Variants in ELMO1 observed in about 807,000 individuals in gnomAD.
ELMO1 encodes the protein engulfment and cell motility 1, also known as engulfment and cell motility protein 1.
In ELMO1, 26 loss-of-function variants were observed where a neutral mutation model predicts 98.9. The ratio of observed to expected loss-of-function variants is 0.26; its 90% CI spans 0.19 to 0.36. ELMO1 has a LOEUF of 0.36. Among genes scored for constraint, ELMO1 ranks in the 10% least tolerant of loss-of-function variants. The pLI is 1.00. For missense variants in ELMO1, 627 were observed against 935.2 expected (o/e 0.67, Z 4.30); for synonymous variants, 346 against 346.0 (o/e 1.00, Z 0.00).
At chr7:37,149,603 G>T (rs960085042) in intron 13 of ELMO1, among the ~76,000 whole-genome samples, 14 of 152,154 alleles carry the variant, frequency 9.2e-5, no homozygotes, top group Admixed American at 3.3e-4. Flanking sequence ...ACTGTCTGTG[G>T]CTGCTTTCAC....
chr7:37,212,742 C>A (rs1793048872), intron 12 of ELMO1, among the ~76,000 whole-genome samples: 1 of 152,202 alleles, frequency 6.6e-6, no homozygotes, highest in African/African-American at 2.4e-5. Flanking sequence ...TGAAAATGTG[C>A]TACGGCAGGG....
At chr7:37,253,346 G>A (rs976615985) in intron 6 of ELMO1, among the ~76,000 whole-genome samples, 1 of 152,182 alleles carries the variant, frequency 6.6e-6, no homozygotes, top group Non-Finnish European at 1.5e-5. Context: ...ATCAATGATA[G>A]ACTGGATAAA....
At chr7:37,289,670 A>G (rs1797575007) in intron 4 of ELMO1, among the ~76,000 whole-genome samples, 1 of 152,230 alleles carries the variant, frequency 6.6e-6, no homozygotes, top group Admixed American at 6.5e-5. Flanking sequence ...TGGGATCTGG[A>G]CTGACAGCTG....
chr7:37,378,851 A>G (rs79758729), intron 1 of ELMO1, among the ~76,000 whole-genome samples: 12,030 of 152,018 alleles, frequency 0.079, 617 homozygotes, highest in Middle Eastern at 0.12. Context: ...TACTGCCACC[A>G]TCACTTTTGC....
At chr7:37,418,261 C>T (rs111968263) in intron 1 of ELMO1, among the ~76,000 whole-genome samples, 3 of 152,278 alleles carry the variant, frequency 2.0e-5, no homozygotes, top group African/African-American at 7.2e-5. Flanking sequence ...GAAAGTGCAG[C>T]ACATTTTGAA....
At chr7:36,993,148 G>A (rs111726883) in intron 16 of ELMO1, among the ~76,000 whole-genome samples, 11 of 152,250 alleles carry the variant, frequency 7.2e-5, no homozygotes, top group Admixed American at 2.0e-4. Flanking sequence ...TGTTCTGAAG[G>A]GGGTGGACAA....
intron 16 of ELMO1, among the ~76,000 whole-genome samples, chr7:37,009,839 G>GA (rs1360016719): frequency 1.3e-5 from 2 of 152,088 alleles, no homozygotes; most frequent in East Asian, 1.9e-4. Context: ...CAGAGAATAA[G>GA]AAAAAAACAT....
intron 1 of ELMO1, among the ~76,000 whole-genome samples, chr7:37,429,010 C>T (rs867979565): frequency 5.9e-5 from 8 of 135,990 alleles, no homozygotes; most frequent in Non-Finnish European, 9.3e-5. Flanking sequence ...TGTGGGCACA[C>T]GTACTGCAGG....
chr7:36,915,553 G>A (rs967242479), intron 16 of ELMO1, among the ~76,000 whole-genome samples: 5 of 152,094 alleles, frequency 3.3e-5, no homozygotes, highest in Non-Finnish European at 4.4e-5. Context: ...ACATCTTTTC[G>A]GCTTGAAGTA....
At chr7:37,381,855 A>G (rs1802596034) in intron 1 of ELMO1, among the ~76,000 whole-genome samples, 1 of 152,202 alleles carries the variant, frequency 6.6e-6, no homozygotes, top group African/African-American at 2.4e-5. Context: ...AACACATTCA[A>G]TAACAAAGGT....
intron 7 of ELMO1, among the ~76,000 whole-genome samples, chr7:37,235,899 GAC>G (rs1794436013): frequency 1.3e-5 from 2 of 152,188 alleles, no homozygotes; most frequent in African/African-American, 2.4e-5. Context: ...CAGCCTGGGC[GAC>G]AGAGTGACTC....
At chr7:36,900,584 T>G (rs983897691) in intron 16 of ELMO1, among the ~76,000 whole-genome samples, 3 of 152,162 alleles carry the variant, frequency 2.0e-5, no homozygotes, top group Non-Finnish European at 4.4e-5. Context: ...TTGGGCTTGC[T>G]TCCAGGGCAG....
chr7:37,122,211 G>C (rs527633093), intron 14 of ELMO1, among the ~76,000 whole-genome samples: 1 of 152,132 alleles, frequency 6.6e-6, no homozygotes, highest in South Asian at 2.1e-4. Context: ...ATTGAGACTA[G>C]GAAGAAACTG....
chr7:37,186,817 A>C (rs1355255942), intron 13 of ELMO1, among the ~76,000 whole-genome samples: 6 of 152,184 alleles, frequency 3.9e-5, no homozygotes, highest in Non-Finnish European at 1.5e-5. Context: ...ACAAGTGTTG[A>C]TGAGGACCTG....
chr7:37,138,193 A>G (rs759863073), intron 13 of ELMO1, among the ~76,000 whole-genome samples: 44 of 152,152 alleles, frequency 2.9e-4, no homozygotes, highest in Admixed American at 5.9e-4. Flanking sequence ...GCAGAAGAAA[A>G]GAAATAATGA....
At chr7:37,375,668 T>G (rs1488805469) in intron 1 of ELMO1, 1 of 1,247,474 alleles carries the variant, frequency 8.0e-7, no homozygotes, top group Non-Finnish European at 1.2e-6. Context: ...ATGAAGGCCA[T>G]GCAGTCTCTC....
At chr7:37,314,773 G>C in intron 4 of ELMO1, 77 bp downstream of exon 4, 1 of 1,395,084 alleles carries the variant, frequency 7.2e-7, no homozygotes, top group Non-Finnish European at 1.0e-6. Context: ...GCATGTCTAG[G>C]CCCGAACAAA....
At chr7:37,028,363 C>T (rs570741969) in intron 15 of ELMO1, among the ~76,000 whole-genome samples, 6 of 152,212 alleles carry the variant, frequency 3.9e-5, no homozygotes, top group African/African-American at 1.2e-4. Flanking sequence ...TCCGACCTAC[C>T]ATTTTTATGG....
chr7:37,172,349 G>C (rs1790219939), intron 13 of ELMO1, among the ~76,000 whole-genome samples: 1 of 151,062 alleles, frequency 6.6e-6, no homozygotes, highest in African/African-American at 2.4e-5. Flanking sequence ...GTCCTCTTCT[G>C]AGGCACTTAA....
Sources: gnomAD v4.1 joint callset for allele counts (sites outside exome capture counted in the v4.1 genomes callset) on GRCh38, gnomAD v4.1.1 for gene constraint, MANE v1.5 for transcripts, NCBI Gene and HGNC (gene_info 2026-07-23, HGNC 2026-07-21) for gene names.